RBBP8: variants seen among roughly 807,000 people sequenced by gnomAD.
The protein encoded by RBBP8 is DNA endonuclease RBBP8.
RBBP8 carries 88 observed loss-of-function variants against 108.3 expected under a neutral mutation model. The observed-to-expected ratio is 0.81, with a 90% confidence interval of 0.68 to 0.97. The LOEUF is 0.97. RBBP8 is among the 50% of genes least tolerant of loss of function. The pLI, the probability that RBBP8 is intolerant of heterozygous loss-of-function variation, is 0.00. For missense variants in RBBP8, 1,023 were observed against 1,049.0 expected (o/e 0.98, Z 0.34); for synonymous variants, 332 against 348.2 (o/e 0.95, Z 0.52).
intron 6 of RBBP8, among the ~76,000 whole-genome samples, chr18:22,978,086 CGT>C (rs1372664564): frequency 6.6e-6 from 1 of 152,098 alleles, no homozygotes; most frequent in African/African-American, 2.4e-5. Context: ...AATGTTACTT[CGT>C]TAAGTTTAAA....
At chr18:22,972,784 T>C (rs1914213025) in intron 5 of RBBP8, among the ~76,000 whole-genome samples, 1 of 152,246 alleles carries the variant, frequency 6.6e-6, no homozygotes, top group Non-Finnish European at 1.5e-5. Context: ...CTGTATAGTT[T>C]TGGGGTTTTT....
rs777833773 is a variant in RBBP8 at position 23,022,120 on chromosome 18, T to A, written c.2455-9T>A. On this transcript the variant is annotated splice_polypyrimidine_tract_variant and intron_variant, in intron 17 of 18. Transcript: ENST00000327155. ...TTTAGTGAAAAAACTTACCAGTTTT[T>A]ATTATTAGTATTATGCAGATATGCC... is the stretch of plus-strand genomic sequence containing the variant. 1 of 1,586,382 alleles carries A rather than the reference T, an allele frequency of 6.3e-7. No homozygotes were observed. The highest frequency in any genetic ancestry group is 8.7e-7 in the Non-Finnish European group (1 of 1,154,928).
At chr18:22,925,619 T>A (rs1394721542) in intron 3 of RBBP8, among the ~76,000 whole-genome samples, 2 of 152,176 alleles carry the variant, frequency 1.3e-5, no homozygotes, top group Non-Finnish European at 2.9e-5. Context: ...TGAAAAAAAT[T>A]AGTGTTTAAG....
intron 18 of RBBP8, among the ~76,000 whole-genome samples, chr18:23,023,970 T>A (rs1437634098): frequency 7.1e-6 from 1 of 140,940 alleles, no homozygotes; most frequent in Non-Finnish European, 1.5e-5. Flanking sequence ...ACCTCCCAGG[T>A]TCAAGCGATT....
At chr18:22,970,663 A>G (rs919453586) in intron 5 of RBBP8, among the ~76,000 whole-genome samples, 1 of 152,162 alleles carries the variant, frequency 6.6e-6, no homozygotes, top group Non-Finnish European at 1.5e-5. Flanking sequence ...ATTTTATATG[A>G]TCGTCTTCTT....
chr18:22,973,667 A>G (rs932766091), intron 5 of RBBP8, among the ~76,000 whole-genome samples: 6 of 152,222 alleles, frequency 3.9e-5, no homozygotes, highest in African/African-American at 1.4e-4. Flanking sequence ...CTGGTAATCT[A>G]TAAGATAAAG....
chr18:22,924,715 A>T (rs1319373739), intron 3 of RBBP8, among the ~76,000 whole-genome samples: 1 of 152,160 alleles, frequency 6.6e-6, no homozygotes, highest in African/African-American at 2.4e-5. Flanking sequence ...GAGCCACTGC[A>T]TCAGGCTCTG....
At chr18:22,980,907 A>G (rs779006216) in intron 6 of RBBP8, among the ~76,000 whole-genome samples, 40 of 144,266 alleles carry the variant, frequency 2.8e-4, no homozygotes, top group Non-Finnish European at 4.5e-4. Context: ...GTACGTAGCA[A>G]TAGGGTTTTG....
chr18:22,957,032 G>A (rs555536261), intron 4 of RBBP8, among the ~76,000 whole-genome samples: 132 of 152,230 alleles, frequency 8.7e-4, no homozygotes, highest in Non-Finnish European at 1.6e-3. Context: ...TTGGCAGTCA[G>A]TGAGCTCATT....
chr18:22,942,152 C>G (rs1911139840), intron 2 of RBBP8, among the ~76,000 whole-genome samples: 1 of 151,908 alleles, frequency 6.6e-6, no homozygotes, highest in South Asian at 2.1e-4. Flanking sequence ...CTGGACTTTG[C>G]AGGTTTTAAG....
intron 14 of RBBP8, among the ~76,000 whole-genome samples, chr18:22,999,265 GA>G (rs2045908157): frequency 6.6e-6 from 1 of 152,156 alleles, no homozygotes; most frequent in African/African-American, 2.4e-5. Context: ...TGTGGCTCAG[GA>G]ATTCAGGAAA....
intron 3 of RBBP8, among the ~76,000 whole-genome samples, chr18:22,923,492 A>C (rs749469311): frequency 6.6e-6 from 1 of 152,238 alleles, no homozygotes; most frequent in Non-Finnish European, 1.5e-5. Flanking sequence ...TTCTTCTTTA[A>C]GAAATTTCAA....
chr18:23,008,337 G>A lies in RBBP8; in HGVS notation c.2357+1905G>A, dbSNP rs142535156. ...GTTGAGAATTTTAGAAATCTAACAG[G>A]CCAAGATTTTTTTTATTCCTCTGAA... On this transcript the variant is annotated intron_variant, in intron 16 of 18. Transcript: ENST00000327155. 8.4e-4 allele frequency among the ~76,000 whole-genome samples: 128 copies of A among 152,096 alleles called. No individual in the cohort carries two copies. In the Middle Eastern group the frequency reaches 0.017, roughly 20 times the overall value.
chr18:22,939,458 G>A (rs559094911), intron 2 of RBBP8, among the ~76,000 whole-genome samples: 4 of 152,180 alleles, frequency 2.6e-5, no homozygotes, highest in African/African-American at 4.8e-5. Flanking sequence ...CCCAGGAGGC[G>A]GAGGTTGCAG....
chr18:22,995,245 CTTTTTG>C (rs140580130), intron 12 of RBBP8, among the ~76,000 whole-genome samples: 4,078 of 151,332 alleles, frequency 0.027, 83 homozygotes, highest in East Asian at 0.083. Flanking sequence ...TTTTTTTGAG[CTTTTTG>C]TTTTTATTTT....
intron 3 of RBBP8, among the ~76,000 whole-genome samples, chr18:22,926,185 G>A (rs1367175718): frequency 6.6e-6 from 1 of 152,228 alleles, no homozygotes; most frequent in African/African-American, 2.4e-5. Flanking sequence ...CACTTTGGGA[G>A]GCCAAGGCAG....
At chr18:22,985,074 A>G (rs928449877) in intron 8 of RBBP8, 84 bp downstream of exon 8, 2 of 1,558,978 alleles carry the variant, frequency 1.3e-6, no homozygotes, top group Non-Finnish European at 1.7e-6. Flanking sequence ...AACTTAGACA[A>G]TATTTTAAAG....
intron 2 of RBBP8, among the ~76,000 whole-genome samples, chr18:22,939,927 G>T (rs1677918315): frequency 6.6e-6 from 1 of 152,128 alleles, no homozygotes; most frequent in South Asian, 2.1e-4. Flanking sequence ...GAAGGGGAGG[G>T]AATTTTCTGA....
intron 5 of RBBP8, among the ~76,000 whole-genome samples, chr18:22,970,781 T>G (rs1914017772): frequency 6.6e-6 from 1 of 152,190 alleles, no homozygotes; most frequent in African/African-American, 2.4e-5. Flanking sequence ...TATGGAAGGA[T>G]TATTACACTT....
Sources: allele counts gnomAD v4.1 joint callset (sites outside exome capture counted in the v4.1 genomes callset), GRCh38; gene constraint gnomAD v4.1.1; transcripts MANE v1.5; gene names NCBI Gene and HGNC (gene_info 2026-07-23, HGNC 2026-07-21).